The following ZSWIM5 variants were observed in gnomAD, a reference collection of about 807,000 sequenced individuals.
The protein encoded by ZSWIM5 is zinc finger SWIM-type containing 5.
Under a neutral mutation model 119.6 loss-of-function variants are expected in ZSWIM5, and 55 were observed. That is an observed-to-expected ratio of 0.46 (90% CI 0.37 to 0.58). ZSWIM5 has a LOEUF of 0.58. Ranked by LOEUF, ZSWIM5 falls within the 20% of genes least tolerant of loss-of-function variation. The probability of loss-of-function intolerance (pLI) is 0.00; values close to 1 mark genes in which losing one functional copy is unlikely to be tolerated. For synonymous variants in ZSWIM5, 537 were observed against 606.9 expected, an observed-to-expected ratio of 0.88 and a Z score of 1.69; for missense variants, 1,193 against 1,512.8, an observed-to-expected ratio of 0.79 and a Z score of 3.51.
intron 1 of ZSWIM5, among the ~76,000 whole-genome samples, chr1:45,120,763 G>A (rs1645586641): frequency 6.6e-6 from 1 of 151,248 alleles, no homozygotes; most frequent in East Asian, 2.0e-4. Flanking sequence ...AGTGTGAGTC[G>A]CCATGCCCAG....
At chr1:45,093,355 A>G (rs1178345081) in intron 1 of ZSWIM5, among the ~76,000 whole-genome samples, 1 of 152,260 alleles carries the variant, frequency 6.6e-6, no homozygotes, top group East Asian at 1.9e-4. Context: ...TCAAGTATCA[A>G]TTTAGATTCC....
intron 8 of ZSWIM5, among the ~76,000 whole-genome samples, chr1:45,038,604 C>CTTTTTTTTTTTTTT (rs55717021): frequency 0.044 from 2,118 of 48,476 alleles, 655 homozygotes; most frequent in Non-Finnish European, 0.049. Flanking sequence ...CGAGGGCAGT[C>CTTTTTTTTTTTTTT]TTTTTTTTTT....
intron 1 of ZSWIM5, among the ~76,000 whole-genome samples, chr1:45,125,900 T>C (rs1322531184): frequency 6.6e-6 from 1 of 151,672 alleles, no homozygotes. Context: ...ATCTTATCTC[T>C]ACAAAAAAAT....
At chr1:45,145,399 C>G (rs567512121) in intron 1 of ZSWIM5, among the ~76,000 whole-genome samples, 1 of 150,460 alleles carries the variant, frequency 6.6e-6, no homozygotes, top group Non-Finnish European at 1.5e-5. Flanking sequence ...TTCATAACTG[C>G]CAAAAATTAG....
chr1:45,197,287 G>T (rs942638211), intron 1 of ZSWIM5, among the ~76,000 whole-genome samples: 1 of 152,170 alleles, frequency 6.6e-6, no homozygotes, highest in African/African-American at 2.4e-5. Context: ...CCATTTCAGA[G>T]AACTTTTATT....
chr1:45,202,485 C>G (rs1294585331), intron 1 of ZSWIM5, among the ~76,000 whole-genome samples: 1 of 151,998 alleles, frequency 6.6e-6, no homozygotes, highest in African/African-American at 2.4e-5. Flanking sequence ...TAAGGTAATA[C>G]TTAGCATTCT....
At chr1:45,159,446 G>A (rs1645849992) in intron 1 of ZSWIM5, among the ~76,000 whole-genome samples, 2 of 151,964 alleles carry the variant, frequency 1.3e-5, no homozygotes, top group African/African-American at 4.8e-5. Flanking sequence ...ACTTAACACA[G>A]AATACTTTTA....
intron 1 of ZSWIM5, among the ~76,000 whole-genome samples, chr1:45,196,884 A>T (rs1646128981): frequency 6.6e-6 from 1 of 152,192 alleles, no homozygotes; most frequent in African/African-American, 2.4e-5. Context: ...CCCAAGATGA[A>T]TCCTGAGTGG....
At chr1:45,195,840 A>G (rs1173519119) in intron 1 of ZSWIM5, among the ~76,000 whole-genome samples, 1 of 151,744 alleles carries the variant, frequency 6.6e-6, no homozygotes, top group Non-Finnish European at 1.5e-5. Context: ...AGAAACAATG[A>G]TAACACTAAT....
chr1:45,180,855 A>G (rs1162895337), intron 1 of ZSWIM5, among the ~76,000 whole-genome samples: 1 of 152,156 alleles, frequency 6.6e-6, no homozygotes, highest in Non-Finnish European at 1.5e-5. Context: ...AAACTCCAAC[A>G]GACCTGCAGC....
At chr1:45,158,476 C>T (rs1645844735) in intron 1 of ZSWIM5, among the ~76,000 whole-genome samples, 2 of 152,148 alleles carry the variant, frequency 1.3e-5, no homozygotes, top group African/African-American at 4.8e-5. Context: ...GTCTGAACTA[C>T]TTATAGATTT....
At chr1:45,043,533 T>A in intron 5 of ZSWIM5, 138 bp from the exon 6 acceptor site, 1 of 819,372 alleles carries the variant, frequency 1.2e-6, no homozygotes, top group Non-Finnish European at 1.9e-6. Flanking sequence ...GAGAACAGGT[T>A]ATAAGGAAGG....
At chr1:45,136,263 T>A (rs1389590362) in intron 1 of ZSWIM5, among the ~76,000 whole-genome samples, 1 of 152,190 alleles carries the variant, frequency 6.6e-6, no homozygotes, top group Non-Finnish European at 1.5e-5. Flanking sequence ...TTCAGCCAGC[T>A]ACATTAATCT....
intron 1 of ZSWIM5, among the ~76,000 whole-genome samples, chr1:45,120,443 T>C (rs1203184718): frequency 2.0e-5 from 3 of 152,058 alleles, no homozygotes; most frequent in Non-Finnish European, 1.5e-5. Context: ...GGTTTCCATA[T>C]TCAGTTCTCT....
intron 1 of ZSWIM5, among the ~76,000 whole-genome samples, chr1:45,180,321 A>G (rs909743648): frequency 6.6e-5 from 10 of 152,126 alleles, no homozygotes; most frequent in African/African-American, 2.4e-4. Context: ...ACGGAGTCTC[A>G]CTGATTGCTA....
chr1:45,017,377 C>A lies in ZSWIM5; in HGVS notation c.*1077G>T, dbSNP rs1027584105. Reference sequence around the variant, plus strand: ...GATACACATACTAAACATGCACAAACATGAGTGCATTTGCACAAAGATGTG... The same window carrying A: ...GATACACATACTAAACATGCACAAAAATGAGTGCATTTGCACAAAGATGTG... On this transcript the variant is annotated 3_prime_UTR_variant, in exon 14 of 14. Transcript: ENST00000359600. 6.6e-6 allele frequency: 1 copy of A among 152,224 alleles called. No homozygotes were observed. Among genetic ancestry groups the A allele is most frequent in the African/African-American group, 2.4e-5 (1 of 41,454 alleles). The allele number at this position is 152,224 out of a possible 1,614,324, so 9.4% of individuals were successfully genotyped here.
At chr1:45,096,946 A>G (rs1378742776) in intron 1 of ZSWIM5, among the ~76,000 whole-genome samples, 2 of 152,204 alleles carry the variant, frequency 1.3e-5, no homozygotes, top group African/African-American at 4.8e-5. Context: ...TTTGCCTTCA[A>G]CGTGCTCCAA....
At chr1:45,161,436 A>G (rs116322879) in intron 1 of ZSWIM5, among the ~76,000 whole-genome samples, 2,057 of 152,210 alleles carry the variant, frequency 0.014, 22 homozygotes, top group Non-Finnish European at 0.02. Flanking sequence ...TGTATTTTTA[A>G]TAACAGCCAT....
At chr1:45,185,999 C>G (rs1316965099) in intron 1 of ZSWIM5, among the ~76,000 whole-genome samples, 1 of 151,986 alleles carries the variant, frequency 6.6e-6, no homozygotes, top group Non-Finnish European at 1.5e-5. Context: ...TTGGAACCAA[C>G]CCAAATGTCC....
Sources: gnomAD v4.1 joint callset for allele counts (sites outside exome capture counted in the v4.1 genomes callset) on GRCh38, gnomAD v4.1.1 for gene constraint, MANE v1.5 for transcripts, NCBI Gene and HGNC (gene_info 2026-07-23, HGNC 2026-07-21) for gene names.